The following ZBTB32 variants were observed in gnomAD, a reference collection of about 807,000 sequenced individuals.
ZBTB32 encodes zinc finger and BTB domain-containing protein 32.
Under a neutral mutation model 45.3 loss-of-function variants are expected in ZBTB32, and 28 were observed. That is an observed-to-expected ratio of 0.62 (90% CI 0.46 to 0.85). ZBTB32 has a LOEUF of 0.85. ZBTB32 is among the 40% of genes least tolerant of loss of function. The pLI is 0.00. For missense variants in ZBTB32, 587 were observed against 624.4 expected (o/e 0.94, Z 0.64); for synonymous variants, 283 against 255.7 (o/e 1.11, Z -1.02).
At chr19:35,709,759 A>G (rs1395275662) in intron 1 of ZBTB32, among the ~76,000 whole-genome samples, 1 of 151,872 alleles carries the variant, frequency 6.6e-6, no homozygotes, top group Non-Finnish European at 1.5e-5. Flanking sequence ...CACACCTGTG[A>G]TCCCAGCTAC....
chr19:35,705,516 G>A (rs1968516997), intron 1 of ZBTB32, among the ~76,000 whole-genome samples: 1 of 152,124 alleles, frequency 6.6e-6, no homozygotes, highest in Non-Finnish European at 1.5e-5. Context: ...CAAGAGGTTA[G>A]GCCAGTAATC....
chr19:35,715,796 C>T lies in ZBTB32; in HGVS notation c.921C>T (p.Ser307=), dbSNP rs1968859903. The T allele has an allele frequency of 2.5e-6, 4 of 1,613,722 alleles. No homozygotes were observed. Among genetic ancestry groups the T allele is most frequent in the Middle Eastern group, 1.7e-4 (1 of 5,876 alleles). Residue 307 remains serine (S), a synonymous_variant, in exon 4 of 7, where the codon AGC becomes AGT. Coordinates refer to ENST00000392197, the MANE Select transcript of ZBTB32 (RefSeq NM_014383.3). ...LSLNAPKGLW[S]QNQLASSSPT... ...TAAATGCCCCCAAAGGGCTCTGGAG[C>T]CAGAACCAGTTGGCCTCCTCCAGCC... is the stretch of plus-strand genomic sequence containing the variant.
intron 1 of ZBTB32, among the ~76,000 whole-genome samples, chr19:35,705,289 G>A (rs1182666435): frequency 5.3e-5 from 8 of 152,072 alleles, no homozygotes; most frequent in African/African-American, 1.9e-4. Context: ...TTGCACTCCA[G>A]CCTGGGCGAC....
chr19:35,712,167 T>C (rs1413941763), intron 1 of ZBTB32, among the ~76,000 whole-genome samples: 1 of 151,184 alleles, frequency 6.6e-6, no homozygotes, highest in African/African-American at 2.4e-5. Flanking sequence ...GCACATATCA[T>C]AAATGCTTTA....
Position 35,716,187 on chromosome 19 carries a change from C to G in ZBTB32, c.1079C>G (p.Pro360Arg), listed in dbSNP as rs1249983950. 9 of 1,613,782 alleles carry G rather than the reference C, an allele frequency of 5.6e-6. No individual in the cohort carries two copies. Among genetic ancestry groups the G allele is most frequent in the Non-Finnish European group, 7.6e-6 (9 of 1,179,920 alleles). The change falls in exon 6 of 7, where the codon CCG becomes CGG. Residue 360 changes from proline (P) to arginine (R), a missense_variant. Pro to Arg is a moderately radical substitution (Grantham distance 103, BLOSUM62 -2). Coordinates refer to ENST00000392197, the MANE Select transcript of ZBTB32 (RefSeq NM_014383.3). ...HEDKAGCPPR[P>R]HPPPAPPARS... ...GACAAGGCAGGCTGCCCACCTCGCC[C>G]GCACCCTCCCCCGGCCCCTCCTGCT...
Position 35,711,846 on chromosome 19 carries a change from G to A in ZBTB32, c.-221-1071G>A, listed in dbSNP as rs537492688. On this transcript the variant is annotated intron_variant, in intron 1 of 6. Coordinates refer to ENST00000392197, the MANE Select transcript of ZBTB32 (RefSeq NM_014383.3). The stretch of plus-strand genomic sequence containing the variant: ...TCGAGACCAGCCTGGCCAACATGGC[G>A]AAACCCTGTCACTACTAAAAGTACA... 6.6e-5 allele frequency among the ~76,000 whole-genome samples: 10 copies of A among 151,974 alleles called. No individual in the cohort carries two copies. The East Asian group carries it at 1.4e-3, about 21-fold the overall frequency.
chr19:35,714,540 A>T lies in ZBTB32; in HGVS notation c.-87A>T. The T allele has an allele frequency of 7.4e-7, 1 of 1,349,388 alleles. No homozygotes were observed. Among genetic ancestry groups the T allele is most frequent in the Non-Finnish European group, 9.9e-7 (1 of 1,010,924 alleles). 83.6% of individuals were successfully genotyped at this position (1,349,388 alleles called of 1,614,324 possible). ...ATCCACAGGCTTGAAATGAGATGAG[A>T]TGTTCCTCCCTCCCCTTTCAACCAT... On this transcript the variant is annotated 5_prime_UTR_variant, in exon 3 of 7. The change abolishes an upstream ATG in the 5' untranslated region. Coordinates refer to ENST00000392197, the MANE Select transcript of ZBTB32 (RefSeq NM_014383.3).
chr19:35,714,125 T>G (rs532039126), intron 2 of ZBTB32: 1 of 152,648 alleles, frequency 6.6e-6, no homozygotes, highest in African/African-American at 2.4e-5. Flanking sequence ...CCCGTGAAAC[T>G]GTGTCATGCT....
At chr19:35,711,058 C>A (rs900835675) in intron 1 of ZBTB32, among the ~76,000 whole-genome samples, 7 of 152,200 alleles carry the variant, frequency 4.6e-5, no homozygotes, top group African/African-American at 1.7e-4. Flanking sequence ...CGAAAGCCCA[C>A]TGATGCTCCC....
chr19:35,708,896 G>A (rs955270350), intron 1 of ZBTB32, among the ~76,000 whole-genome samples: 2 of 149,932 alleles, frequency 1.3e-5, no homozygotes, highest in South Asian at 2.1e-4. Flanking sequence ...TCGGCTCACC[G>A]CAACCTCCAC....
At chr19:35,711,907 C>T (rs1221254568) in intron 1 of ZBTB32, among the ~76,000 whole-genome samples, 1 of 151,802 alleles carries the variant, frequency 6.6e-6, no homozygotes, top group African/African-American at 2.4e-5. Flanking sequence ...CGCCTGTAAT[C>T]CCAGCTACTC....
intron 2 of ZBTB32, among the ~76,000 whole-genome samples, chr19:35,713,967 T>C (rs1206088818): frequency 6.6e-6 from 1 of 152,244 alleles, no homozygotes; most frequent in African/African-American, 2.4e-5. Context: ...TCCCTGAGGA[T>C]GTGTTCTAGA....
Position 35,716,663 on chromosome 19 carries a change from T to A in ZBTB32, c.1375T>A (p.Trp459Arg). Reference protein sequence around the residue: ...GHSPSQLPPGWTIRSTFLYSS... With the variant: ...GHSPSQLPPGRTIRSTFLYSS... ...CTCGCCCAGCCAACTCCCGCCCGGA[T>A]GGACCATCCGCTCCACCTTCCTCTA... The change falls in exon 7 of 7, where the codon TGG becomes AGG. Residue 459 changes from tryptophan to arginine, a missense_variant. By Grantham distance (101) the Trp-to-Arg change is moderately radical. Transcript: ENST00000392197. The A allele has an allele frequency of 6.2e-7, 1 of 1,614,018 alleles. No homozygotes were observed. Among genetic ancestry groups the A allele is most frequent in the Non-Finnish European group, 8.5e-7 (1 of 1,179,988 alleles).
intron 1 of ZBTB32, among the ~76,000 whole-genome samples, chr19:35,709,986 G>C (rs1454999735): frequency 1.3e-5 from 2 of 150,582 alleles, no homozygotes; most frequent in Non-Finnish European, 3.0e-5. Context: ...GAGGTGGGTG[G>C]ATCACCTGAC....
At chr19:35,707,136 A>C (rs1357212312) in intron 1 of ZBTB32, among the ~76,000 whole-genome samples, 1 of 149,234 alleles carries the variant, frequency 6.7e-6, no homozygotes, top group African/African-American at 2.5e-5. Context: ...TCAAGACTGC[A>C]GTGAGCCATG....
chr19:35,708,499 C>T (rs1968604427), intron 1 of ZBTB32, among the ~76,000 whole-genome samples: 1 of 152,188 alleles, frequency 6.6e-6, no homozygotes, highest in Non-Finnish European at 1.5e-5. Context: ...TTGAAACAGC[C>T]CCTGTGAGGA....
chr19:35,714,536 T>G lies in ZBTB32; in HGVS notation c.-91T>G. 1,618 of 1,329,954 alleles carry G rather than the reference T, an allele frequency of 1.2e-3. No individual in the cohort carries two copies. The highest frequency in any genetic ancestry group is 1.5e-3 in the Non-Finnish European group (1,481 of 994,048). 82.4% of individuals were successfully genotyped at this position (1,329,954 alleles called of 1,614,324 possible). On this transcript the variant is annotated 5_prime_UTR_variant, in exon 3 of 7. The change abolishes an upstream ATG in the 5' untranslated region. Coordinates refer to ENST00000392197, the MANE Select transcript of ZBTB32 (RefSeq NM_014383.3). Reference sequence around the variant, plus strand: ...TCACATCCACAGGCTTGAAATGAGATGAGATGTTCCTCCCTCCCCTTTCAA... The same window carrying G: ...TCACATCCACAGGCTTGAAATGAGAGGAGATGTTCCTCCCTCCCCTTTCAA...
chr19:35,715,510 G>C lies in ZBTB32; in HGVS notation c.881+3G>C. The C allele has an allele frequency of 6.5e-7, 1 of 1,531,792 alleles. No individual in the cohort carries two copies. The highest frequency in any genetic ancestry group is 8.8e-7 in the Non-Finnish European group (1 of 1,142,852). The allele number at this position is 1,531,792 out of a possible 1,614,324, so 94.9% of individuals were successfully genotyped here. A position where few individuals can be genotyped will look rare whatever the true frequency, so the allele number is the denominator to read the frequency against. On this transcript the variant is annotated splice_donor_region_variant and intron_variant, in intron 3 of 6. Coordinates refer to ENST00000392197, the MANE Select transcript of ZBTB32 (RefSeq NM_014383.3). ...CAGGAGGTCTGGCGGGAACAGAGGT[G>C]AGTGGCGGGGTCTAGTGCTCTGCCT...
intron 3 of ZBTB32, 57 bp downstream of exon 3, chr19:35,715,564 G>A (rs1023148377): frequency 1.3e-6 from 2 of 1,506,308 alleles, no homozygotes; most frequent in Non-Finnish European, 1.8e-6. Context: ...GCCCAGGAGG[G>A]GCAGCCCTGC....
Sources: gnomAD v4.1 joint callset for allele counts (sites outside exome capture counted in the v4.1 genomes callset) on GRCh38, gnomAD v4.1.1 for gene constraint, MANE v1.5 for transcripts, NCBI Gene and HGNC (gene_info 2026-07-23, HGNC 2026-07-21) for gene names.